The following ABCC1 variants were observed in gnomAD, a reference collection of about 807,000 sequenced individuals.
ABCC1 encodes ATP binding cassette subfamily C member 1 (ABCC1 blood group).
ABCC1 carries 83 observed loss-of-function variants against 172.9 expected under a neutral mutation model. The ratio of observed to expected loss-of-function variants is 0.48; its 90% CI spans 0.40 to 0.58. ABCC1 has a LOEUF of 0.58. ABCC1 is among the 20% of genes least tolerant of loss of function. The probability of loss-of-function intolerance (pLI) is 0.00; values close to 1 mark genes in which losing one functional copy is unlikely to be tolerated. For synonymous variants in ABCC1, 937 were observed against 825.2 expected (o/e 1.14, Z -2.32); for missense variants, 1,817 against 2,002.7 (o/e 0.91, Z 1.77).
intron 17 of ABCC1, among the ~76,000 whole-genome samples, chr16:16,085,024 T>C (rs2050954592): frequency 6.6e-6 from 1 of 152,128 alleles, no homozygotes; most frequent in Non-Finnish European, 1.5e-5. Context: ...TATACCTAGG[T>C]AATCATTGAG....
intron 15 of ABCC1, 40 bp from the exon 16 acceptor site, chr16:16,079,311 TC>T: frequency 6.2e-7 from 1 of 1,607,770 alleles, no homozygotes; most frequent in Non-Finnish European, 8.5e-7. Context: ...CCGGCAGGCC[TC>T]ATTCAGCGTG....
chr16:15,986,291 C>T (rs1252991947), intron 1 of ABCC1, among the ~76,000 whole-genome samples: 1 of 151,932 alleles, frequency 6.6e-6, no homozygotes, highest in African/African-American at 2.4e-5. Context: ...CTTATAATTC[C>T]CTGTGATTAC....
intron 3 of ABCC1, among the ~76,000 whole-genome samples, chr16:16,011,561 A>G (rs556241618): frequency 6.6e-6 from 1 of 151,958 alleles, no homozygotes; most frequent in East Asian, 2.0e-4. Flanking sequence ...AGCTCACTGC[A>G]GGCTTGAACT....
intron 5 of ABCC1, among the ~76,000 whole-genome samples, chr16:16,031,378 C>T (rs184243307): frequency 7.9e-5 from 12 of 152,220 alleles, no homozygotes; most frequent in South Asian, 2.1e-4. Context: ...GAAAGCCAGG[C>T]TTTGTCTGTC....
intron 19 of ABCC1, among the ~76,000 whole-genome samples, chr16:16,101,020 T>A (rs916454767): frequency 4.7e-4 from 72 of 152,038 alleles, no homozygotes; most frequent in East Asian, 1.2e-3. Flanking sequence ...TTTAGATTTT[T>A]TTTTTATTTT....
At chr16:15,976,370 G>T (rs955589324) in intron 1 of ABCC1, among the ~76,000 whole-genome samples, 5 of 152,188 alleles carry the variant, frequency 3.3e-5, no homozygotes, top group African/African-American at 9.7e-5. Flanking sequence ...TGCTAATAAT[G>T]ACTTAATGGT....
intron 1 of ABCC1, among the ~76,000 whole-genome samples, chr16:15,985,797 C>T (rs1185556073): frequency 1.3e-5 from 2 of 151,936 alleles, no homozygotes; most frequent in African/African-American, 4.8e-5. Context: ...CTGAGAACAA[C>T]ACACATCACT....
chr16:16,013,182 G>A (rs960281880), intron 3 of ABCC1, among the ~76,000 whole-genome samples: 1 of 152,084 alleles, frequency 6.6e-6, no homozygotes, highest in African/African-American at 2.4e-5. Context: ...CAGCTCAGCT[G>A]TGAATGTGTC....
intron 29 of ABCC1, among the ~76,000 whole-genome samples, chr16:16,137,545 CTTTTTTTTTTTTTTTTT>C (rs151237296): frequency 1.8e-5 from 1 of 56,636 alleles, no homozygotes; most frequent in Admixed American, 3.0e-4. Flanking sequence ...GGTATGAGGC[CTTTTTTTTTTTTTTTTT>C]TTTTTTTTTT....
intron 12 of ABCC1, among the ~76,000 whole-genome samples, chr16:16,061,772 C>CTTTT (rs201926082): frequency 3.4e-5 from 4 of 116,226 alleles, no homozygotes; most frequent in South Asian, 2.6e-4. Context: ...TTCTTTTTTT[C>CTTTT]TTTTTTTTTT....
chr16:16,097,580 A>G (rs1006129903), intron 19 of ABCC1, among the ~76,000 whole-genome samples: 1 of 152,202 alleles, frequency 6.6e-6, no homozygotes, highest in South Asian at 2.1e-4. Context: ...GGATGTTTAC[A>G]CTGCAGATAA....
chr16:16,044,428 G>C, intron 7 of ABCC1, 22 bp from the exon 8 acceptor site: 1 of 1,606,026 alleles, frequency 6.2e-7, no homozygotes, highest in Non-Finnish European at 8.5e-7. Flanking sequence ...CCCCACAACG[G>C]CTTCACCTCC....
chr16:16,103,239 G>A (rs1160198920), intron 20 of ABCC1, among the ~76,000 whole-genome samples: 1 of 152,070 alleles, frequency 6.6e-6, no homozygotes, highest in Non-Finnish European at 1.5e-5. Context: ...TAGATCCCTG[G>A]GGATTTATAG....
chr16:16,056,520 T>C, intron 12 of ABCC1: 1 of 565,998 alleles, frequency 1.8e-6, no homozygotes, highest in South Asian at 2.1e-5. Context: ...TACAAAAAAA[T>C]AAGCCGGGTG....
At chr16:16,034,069 T>C (rs1567332664) in intron 6 of ABCC1, among the ~76,000 whole-genome samples, 2 of 137,914 alleles carry the variant, frequency 1.5e-5, no homozygotes, top group African/African-American at 2.6e-5. Context: ...GCTCTGTCGC[T>C]GAGGCTGGAG....
In ABCC1 at chr16:16,138,367, C is replaced by T. The variant is rs753509205; in HGVS notation, c.4296C>T (p.Val1432=). The T allele has an allele frequency of 6.1e-5, 97 of 1,580,104 alleles. No individual in the cohort carries two copies. Among genetic ancestry groups the T allele is most frequent in the Middle Eastern group, 5.0e-4 (3 of 5,952 alleles). The part of the protein sequence containing the change: ...ECAEGGENLS[V]GQRQLVCLAR... Reference sequence around the variant, plus strand: ...TGGTTTTTTTCTTCCGGTCAAGTGTCGGGCAGCGCCAGCTTGTGTGCCTAG... The same window carrying T: ...TGGTTTTTTTCTTCCGGTCAAGTGTTGGGCAGCGCCAGCTTGTGTGCCTAG... Residue 1432 remains valine, a synonymous_variant, in exon 30 of 31, where the codon GTC becomes GTT. Transcript: ENST00000399410.
At chr16:16,119,028 A>G (rs2045034591) in intron 23 of ABCC1, among the ~76,000 whole-genome samples, 1 of 152,208 alleles carries the variant, frequency 6.6e-6, no homozygotes, top group Admixed American at 6.5e-5. Context: ...TATACAATTT[A>G]TGGTTGAGTA....
At chr16:16,059,839 A>C (rs1043666202) in intron 12 of ABCC1, among the ~76,000 whole-genome samples, 8 of 146,978 alleles carry the variant, frequency 5.4e-5, no homozygotes, top group Non-Finnish European at 7.5e-5. Context: ...GCCCCCCACA[A>C]AAAAAAATTA....
intron 1 of ABCC1, among the ~76,000 whole-genome samples, chr16:15,971,152 G>A (rs2046359615): frequency 6.6e-6 from 1 of 152,156 alleles, no homozygotes. Context: ...CTAGGTATAT[G>A]TACAGAGGCT....
Sources: allele counts gnomAD v4.1 joint callset (sites outside exome capture counted in the v4.1 genomes callset), GRCh38; gene constraint gnomAD v4.1.1; transcripts MANE v1.5; gene names NCBI Gene and HGNC (gene_info 2026-07-23, HGNC 2026-07-21).